Variants in TDRD9 observed in about 807,000 individuals in gnomAD.
The protein encoded by TDRD9 is ATP-dependent RNA helicase TDRD9.
In TDRD9, 124 loss-of-function variants were observed where a neutral mutation model predicts 172.6. The ratio of observed to expected loss-of-function variants is 0.72; its 90% confidence interval spans 0.62 to 0.83. The LOEUF is 0.83. TDRD9 is among the 40% of genes least tolerant of loss of function. The pLI is 0.00. For synonymous variants in TDRD9, 619 were observed against 617.1 expected (o/e 1.00, Z -0.05); for missense variants, 1,479 against 1,714.1 (o/e 0.86, Z 2.42).
In TDRD9 at chr14:104,012,132, CTT is replaced by C. The variant is rs1461367863; in HGVS notation, c.2107-2591_2107-2590del. On this transcript the variant is annotated intron_variant, in intron 20 of 35. Transcript: ENST00000409874. ...AGGCCTAGAGTACCCATGTGACTGA[CTT>C]TAGTTACTCAGTCTTCAGTCCCTCC... is the stretch of plus-strand genomic sequence containing the variant. 2.0e-5 allele frequency among the ~76,000 whole-genome samples: 3 copies of C among 152,336 alleles called. No individual in the cohort carries two copies. The East Asian group carries it at 5.8e-4, about 29-fold the overall frequency.
At chr14:103,960,465 A>G (rs2032454782) in intron 2 of TDRD9, among the ~76,000 whole-genome samples, 1 of 152,238 alleles carries the variant, frequency 6.6e-6, no homozygotes, top group Admixed American at 6.5e-5. Flanking sequence ...AGAATAGTCA[A>G]TTTTAAGGTT....
At chr14:103,941,970 G>A (rs951433662) in intron 1 of TDRD9, 4 of 381,948 alleles carry the variant, frequency 1.0e-5, no homozygotes, top group Non-Finnish European at 1.9e-5. Flanking sequence ...AATGATATCC[G>A]AAAATAACAC....
chr14:104,005,346 A>G lies in TDRD9; in HGVS notation c.1654A>G (p.Thr552Ala), dbSNP rs753553775. The change falls in exon 15 of 36, where the codon ACT becomes GCT. Residue 552 changes from threonine to alanine, a missense_variant. This residue lies in a region of TDRD9 where 1,413 missense variants were observed against 1,649.1 expected (regional missense o/e 0.86). Transcript: ENST00000409874. ...GGGTGAGCCGAGAGCTCTGCTGGCCACTGCCCTTTCCCCGCCTGGTCTGAG... is the reference window on the plus strand; with the variant it reads ...GGGTGAGCCGAGAGCTCTGCTGGCCGCTGCCCTTTCCCCGCCTGGTCTGAG... ...DMGEPRALLA[T>A]ALSPPGLSDI... 6 of 1,613,844 alleles carry G rather than the reference A, an allele frequency of 3.7e-6. No homozygotes were observed. In the African/African-American group the frequency reaches 6.7e-5, roughly 18 times the overall value.
chr14:103,988,761 T>C (rs2033766915), intron 8 of TDRD9, among the ~76,000 whole-genome samples: 1 of 151,144 alleles, frequency 6.6e-6, no homozygotes, highest in South Asian at 2.1e-4. Context: ...GGAGTGATCA[T>C]GGCTCACAGC....
intron 2 of TDRD9, among the ~76,000 whole-genome samples, chr14:103,960,632 G>C (rs1475093061): frequency 6.6e-6 from 1 of 152,184 alleles, no homozygotes; most frequent in Admixed American, 6.5e-5. Flanking sequence ...TTGGTTTCCT[G>C]TCTGCCCTTT....
chr14:104,039,940 A>G (rs939259521), intron 32 of TDRD9, among the ~76,000 whole-genome samples: 2 of 152,198 alleles, frequency 1.3e-5, no homozygotes, highest in South Asian at 4.1e-4. Context: ...TATCTTATCT[A>G]CCACATTAGA....
rs2034185033 is a variant in TDRD9, at chr14:103,999,639, TTA to T, written c.1483+912_1483+913del. On this transcript the variant is annotated intron_variant, in intron 13 of 35. Coordinates refer to ENST00000409874, the MANE Select transcript of TDRD9 (RefSeq NM_153046.3). ...AGTGGCTTTTTTTTTTGTTTGTTTT[TTA>T]GAAAACCTTTTGGGAAGGGTAGATA... Among the ~76,000 whole-genome samples, 86 of 127,974 alleles carry T rather than the reference TTA, an allele frequency of 6.7e-4. 5 individuals carry two copies. The highest frequency in any genetic ancestry group is 4.1e-3 in the Middle Eastern group (1 of 246). The allele number at this position is 127,974 out of a possible 152,430, so 84.0% of individuals were successfully genotyped here. A position where few individuals can be genotyped will look rare whatever the true frequency, so the allele number is the denominator to read the frequency against.
chr14:103,947,009 A>T (rs1192699420), intron 1 of TDRD9, among the ~76,000 whole-genome samples: 1 of 149,964 alleles, frequency 6.7e-6, no homozygotes, highest in Non-Finnish European at 1.5e-5. Context: ...AATCCTAATG[A>T]CTTTTTTTTC....
intron 13 of TDRD9, among the ~76,000 whole-genome samples, chr14:104,001,523 G>C (rs942504207): frequency 1.3e-5 from 2 of 152,188 alleles, no homozygotes; most frequent in African/African-American, 4.8e-5. Flanking sequence ...TTCATGTACA[G>C]GTTTTTGTGT....
intron 28 of TDRD9, among the ~76,000 whole-genome samples, chr14:104,030,861 G>A (rs10135338): frequency 0.33 from 50,257 of 151,964 alleles, 8,485 homozygotes; most frequent in Middle Eastern, 0.37. Context: ...ATAGCATCAG[G>A]AGATATACCT....
chr14:104,026,788 G>A lies in TDRD9; in HGVS notation c.3131G>A (p.Cys1044Tyr), dbSNP rs1596004089. The change falls in exon 28 of 36, where the codon TGC becomes TAC. Residue 1044 changes from cysteine to tyrosine, a missense_variant. Cys to Tyr is a radical substitution (Grantham distance 194, BLOSUM62 -2). Transcript: ENST00000409874. The part of the protein sequence containing the change: ...SQWFASLVSG[C>Y]TLLVKVFSVV... Reference sequence around the variant, plus strand: ...TGGTTCGCCTCTCTGGTGAGCGGCTGCACCCTCCTTGTGAAGGTCTTCTCT... The same window carrying A: ...TGGTTCGCCTCTCTGGTGAGCGGCTACACCCTCCTTGTGAAGGTCTTCTCT... 1 of 1,614,022 alleles carries A rather than the reference G, an allele frequency of 6.2e-7. No individual in the cohort carries two copies. The highest frequency in any genetic ancestry group is 2.2e-5 in the East Asian group (1 of 44,896).
chr14:103,941,823 C>T, intron 1 of TDRD9: 1 of 682,872 alleles, frequency 1.5e-6, no homozygotes, highest in East Asian at 2.8e-5. Context: ...TTTAGCTATG[C>T]AGGTCAAAAT....
At chr14:103,996,505 A>T (rs1480672315) in intron 12 of TDRD9, among the ~76,000 whole-genome samples, 2 of 152,192 alleles carry the variant, frequency 1.3e-5, no homozygotes, top group African/African-American at 4.8e-5. Flanking sequence ...GATCTTTCAG[A>T]TAGGAATTAC....
At chr14:104,010,482 T>C (rs569062324) in intron 20 of TDRD9, among the ~76,000 whole-genome samples, 39 of 152,026 alleles carry the variant, frequency 2.6e-4, no homozygotes, top group South Asian at 6.2e-4. Flanking sequence ...GGAGCTATCA[T>C]CTCTTACAGT....
intron 4 of TDRD9, 38 bp downstream of exon 4, chr14:103,965,592 C>T (rs1291491732): frequency 6.7e-7 from 1 of 1,498,536 alleles, no homozygotes; most frequent in African/African-American, 1.4e-5. Context: ...AGAGAGCCAG[C>T]TGTCTCTCTA....
At chr14:104,024,924 A>G (rs949892565) in intron 25 of TDRD9, among the ~76,000 whole-genome samples, 1 of 152,220 alleles carries the variant, frequency 6.6e-6, no homozygotes, top group Non-Finnish European at 1.5e-5. Flanking sequence ...TTAAAATATC[A>G]AGTACATTTA....
intron 29 of TDRD9, 143 bp downstream of exon 29, chr14:104,031,406 T>A (rs1036373016): frequency 2.7e-5 from 18 of 665,998 alleles, no homozygotes; most frequent in Non-Finnish European, 4.0e-5. Context: ...GATCCTCTTA[T>A]AATAATAAGA....
At chr14:103,944,245 C>A (rs757408083) in intron 1 of TDRD9, among the ~76,000 whole-genome samples, 7 of 147,770 alleles carry the variant, frequency 4.7e-5, no homozygotes, top group Non-Finnish European at 7.6e-5. Context: ...CTTGCTCGAC[C>A]CTAGAGCACA....
chr14:103,948,888 C>CAAAA (rs57817688), intron 1 of TDRD9, among the ~76,000 whole-genome samples: 8,925 of 114,254 alleles, frequency 0.078, 548 homozygotes, highest in Non-Finnish European at 0.11. Context: ...GACTCCATCT[C>CAAAA]AAAAAAAAAA....
Sources: gnomAD v4.1 joint callset for allele counts (sites outside exome capture counted in the v4.1 genomes callset) on GRCh38, gnomAD v4.1.1 for gene constraint, gnomAD v4.1.1 regional missense constraint, MANE v1.5 for transcripts, NCBI Gene and HGNC (gene_info 2026-07-23, HGNC 2026-07-21) for gene names.